The following ASTN1 variants were observed in gnomAD, a reference collection of about 807,000 sequenced individuals.
The protein encoded by ASTN1 is astrotactin-1.
A neutral mutation model predicts 140.7 loss-of-function variants in ASTN1; 41 were observed. The ratio of observed to expected loss-of-function variants is 0.29; its 90% confidence interval spans 0.23 to 0.38. The LOEUF is 0.38. Ranked by LOEUF, ASTN1 falls within the 10% of genes least tolerant of loss-of-function variation. The pLI, the probability that ASTN1 is intolerant of heterozygous loss-of-function variation, is 1.00. For synonymous variants in ASTN1, 640 were observed against 652.2 expected (o/e 0.98, Z 0.29); for missense variants, 1,479 against 1,678.8 (o/e 0.88, Z 2.08).
intron 12 of ASTN1, 69 bp downstream of exon 12, chr1:176,949,116 T>C: frequency 6.3e-7 from 1 of 1,585,834 alleles, no homozygotes; most frequent in Non-Finnish European, 8.6e-7. Flanking sequence ...ATTTCCTGGA[T>C]TTAGCATTGA....
chr1:176,878,802 G>A (rs1051589450), intron 20 of ASTN1, among the ~76,000 whole-genome samples: 25 of 152,214 alleles, frequency 1.6e-4, no homozygotes, highest in African/African-American at 2.9e-4. Flanking sequence ...CCCACAAGGC[G>A]AAGTTCCCCC....
At chr1:177,074,138 G>A (rs558289618) in intron 1 of ASTN1, among the ~76,000 whole-genome samples, 14 of 152,148 alleles carry the variant, frequency 9.2e-5, no homozygotes, top group African/African-American at 3.1e-4. Context: ...ATATGACAAA[G>A]ATCCTTTTAT....
chr1:177,054,385 C>G (rs1021572426), intron 2 of ASTN1, among the ~76,000 whole-genome samples: 2 of 152,158 alleles, frequency 1.3e-5, no homozygotes, highest in Non-Finnish European at 1.5e-5. Flanking sequence ...TTTGATTCTC[C>G]TAACATCTCC....
intron 16 of ASTN1, among the ~76,000 whole-genome samples, chr1:176,906,412 A>C (rs1266202144): frequency 6.6e-6 from 1 of 152,226 alleles, no homozygotes; most frequent in African/African-American, 2.4e-5. Flanking sequence ...TCAGTGCTCC[A>C]TAAGGAAAGT....
chr1:176,958,003 G>T (rs186719963), intron 10 of ASTN1, among the ~76,000 whole-genome samples, 175 bp from the exon 11 acceptor site: 1 of 152,176 alleles, frequency 6.6e-6, no homozygotes, highest in Non-Finnish European at 1.5e-5. Context: ...GGCATTCTCC[G>T]TATCTAGGAA....
At chr1:176,923,765 C>A (rs1241494995) in intron 16 of ASTN1, among the ~76,000 whole-genome samples, 1 of 151,924 alleles carries the variant, frequency 6.6e-6, no homozygotes, top group African/African-American at 2.4e-5. Context: ...GAAAAGATTC[C>A]CTGCAAATAA....
In ASTN1 at chr1:176,935,956, A is replaced by G. The variant is rs533008373; in HGVS notation, c.2482+310T>C. 10 of 408,576 alleles carry G rather than the reference A, an allele frequency of 2.4e-5. No homozygotes were observed. In the Admixed American group the frequency reaches 3.3e-4, roughly 13 times the overall value. 25.3% of individuals were successfully genotyped at this position (408,576 alleles called of 1,614,324 possible). ...GCTTAATTCTCTCAATTTGTAAAAA[A>G]TCTGCTTTTATGTATCCTCTCCACA... On this transcript the variant is annotated intron_variant, in intron 15 of 22. Transcript: ENST00000361833.
intron 1 of ASTN1, among the ~76,000 whole-genome samples, chr1:177,123,863 C>G (rs572220794): frequency 6.6e-6 from 1 of 152,102 alleles, no homozygotes; most frequent in Non-Finnish European, 1.5e-5. Flanking sequence ...GGCAGGAAGC[C>G]GAATTCAGTG....
At chr1:177,127,079 A>C (rs1459020696) in intron 1 of ASTN1, among the ~76,000 whole-genome samples, 1 of 152,208 alleles carries the variant, frequency 6.6e-6, no homozygotes, top group Admixed American at 6.5e-5. Context: ...TCATTGGAAC[A>C]GTCAGACAAA....
At position 177,032,836 on chromosome 1, in the gene ASTN1, G is replaced by A. The variant is rs1181542749; in HGVS notation, c.485C>T (p.Ala162Val). 1 of 1,603,328 alleles carries A rather than the reference G, an allele frequency of 6.2e-7. No homozygotes were observed. Among genetic ancestry groups the A allele is most frequent in the South Asian group, 1.1e-5 (1 of 90,282 alleles). ...CAGGCACAAGATGGACAGCAGCAGAGCGATCATGCCACCCTAGGAAGAGAG... is the reference window on the plus strand; with the variant it reads ...CAGGCACAAGATGGACAGCAGCAGAACGATCATGCCACCCTAGGAAGAGAG... ...LHISVMGGMIALLLSILCLVM... is the reference protein window; with the variant it reads ...LHISVMGGMIVLLLSILCLVM... Residue 162 changes from alanine (A) to valine (V), a missense_variant, in exon 3 of 23, where the codon GCT becomes GTT. Coordinates refer to ENST00000361833, the MANE Select transcript of ASTN1 (RefSeq NM_004319.3).
At chr1:177,129,378 A>G (rs1681830074) in intron 1 of ASTN1, among the ~76,000 whole-genome samples, 1 of 152,192 alleles carries the variant, frequency 6.6e-6, no homozygotes, top group African/African-American at 2.4e-5. Context: ...TGAAATGTGA[A>G]GAAATAGGCA....
In ASTN1 at chr1:177,111,972, A is replaced by C. The variant is rs565990640; in HGVS notation, c.284-50707T>G. 2.6e-5 allele frequency among the ~76,000 whole-genome samples: 4 copies of C among 152,256 alleles called. No individual in the cohort carries two copies. The East Asian group carries it at 7.7e-4, about 29-fold the overall frequency. On this transcript the variant is annotated intron_variant, in intron 1 of 22. Transcript: ENST00000361833. ...GGTGTTTGGTGCAAAGTTGTTCTGT[A>C]GCCTTTCTCCAAGTTCCCGGGTTCT...
At position 176,863,366 on chromosome 1, in the gene ASTN1, A is replaced by G; in HGVS notation, c.*918T>C. On this transcript the variant is annotated 3_prime_UTR_variant, in exon 23 of 23. Coordinates refer to ENST00000361833, the MANE Select transcript of ASTN1 (RefSeq NM_004319.3). The stretch of plus-strand genomic sequence containing the variant: ...CGGCCAAGCCTTACCTGTCCAAGGT[A>G]AGAGGTGTGGGGGTTAAAGATAATC... 1.0e-6 allele frequency: 1 copy of G among 985,858 alleles called. No individual in the cohort carries two copies. Among genetic ancestry groups the G allele is most frequent in the Non-Finnish European group, 1.2e-6 (1 of 829,934 alleles). 61.1% of individuals were successfully genotyped at this position (985,858 alleles called of 1,614,324 possible). A position where few individuals can be genotyped will look rare whatever the true frequency, so the allele number is the denominator to read the frequency against.
intron 1 of ASTN1, among the ~76,000 whole-genome samples, chr1:177,149,333 A>AAT (rs551118619): frequency 2.4e-5 from 2 of 82,754 alleles, no homozygotes; most frequent in Non-Finnish European, 3.9e-5. Context: ...ATATATAGTA[A>AAT]ATATATATAT....
chr1:177,130,008 A>G (rs1482989457), intron 1 of ASTN1, among the ~76,000 whole-genome samples: 3 of 152,274 alleles, frequency 2.0e-5, no homozygotes, highest in East Asian at 1.9e-4. Context: ...GAACACTTCA[A>G]TGTGAGTATT....
At chr1:177,158,181 T>C (rs1170920460) in intron 1 of ASTN1, among the ~76,000 whole-genome samples, 3 of 152,336 alleles carry the variant, frequency 2.0e-5, no homozygotes, top group Admixed American at 1.3e-4. Flanking sequence ...TCAGTTTAGA[T>C]TACCGTCAAC....
intron 16 of ASTN1, among the ~76,000 whole-genome samples, chr1:176,917,240 T>C (rs1419701393): frequency 1.3e-5 from 2 of 152,184 alleles, no homozygotes; most frequent in East Asian, 3.9e-4. Flanking sequence ...GCAGGCATAG[T>C]TCTTATTCAT....
Position 177,144,950 on chromosome 1 carries a change from C to T in ASTN1, c.283+19444G>A, listed in dbSNP as rs192224800. Among the ~76,000 whole-genome samples the T allele has an allele frequency of 5.6e-3, 855 of 152,194 alleles. 2 individuals carry two copies. The highest frequency in any genetic ancestry group is 8.3e-3 in the Non-Finnish European group (562 of 67,988). ...CTCCAGGGAGATAGAGAAAAATCAT[C>T]ATTTTTAGGGATGTCTTGTCATGAA... On this transcript the variant is annotated intron_variant, in intron 1 of 22. Coordinates refer to ENST00000361833, the MANE Select transcript of ASTN1 (RefSeq NM_004319.3).
At chr1:176,946,144 T>C (rs1159646137) in intron 12 of ASTN1, 24 bp from the exon 13 acceptor site, 6 of 1,525,156 alleles carry the variant, frequency 3.9e-6, no homozygotes, top group Non-Finnish European at 5.3e-6. Flanking sequence ...GAGCTCAATA[T>C]AAGAAGTTAT....
Sources: gnomAD v4.1 joint callset for allele counts (sites outside exome capture counted in the v4.1 genomes callset) on GRCh38, gnomAD v4.1.1 for gene constraint, MANE v1.5 for transcripts, NCBI Gene and HGNC (gene_info 2026-07-23, HGNC 2026-07-21) for gene names.